The following SH2D4B variants were observed in gnomAD, a reference collection of about 807,000 sequenced individuals.
SH2D4B encodes the protein SH2 domain containing 4B.
In SH2D4B, 45 loss-of-function variants were observed where a neutral mutation model predicts 61.5. That is an observed-to-expected ratio of 0.73 (90% CI 0.58 to 0.94). SH2D4B has a LOEUF of 0.94. SH2D4B is among the 40% of genes least tolerant of loss of function. The probability of loss-of-function intolerance (pLI) is 0.00; values close to 1 mark genes in which losing one functional copy is unlikely to be tolerated. For missense variants in SH2D4B, 572 were observed against 574.2 expected (o/e 1.00, Z 0.04); for synonymous variants, 224 against 220.4 (o/e 1.02, Z -0.14).
At position 80,571,489 on chromosome 10, in the gene SH2D4B, G is replaced by A; in HGVS notation, c.406G>A (p.Ala136Thr). The A allele has an allele frequency of 6.2e-7, 1 of 1,614,186 alleles. No homozygotes were observed. Among genetic ancestry groups the A allele is most frequent in the Non-Finnish European group, 8.5e-7 (1 of 1,180,036 alleles). Residue 136 changes from alanine (A) to threonine (T), a missense_variant, in exon 3 of 8, where the codon GCC (alanine) becomes ACC (threonine). By Grantham distance (58) the Ala-to-Thr change is moderately conservative (BLOSUM62 0). Transcript: ENST00000646907. ...KFRDALANEK[A>T]RILAEKWKVE... is the part of the protein sequence containing the mutation. ...CCGGGATGCTCTGGCCAATGAGAAAGCCCGGATCTTGGCGGAGAAGTGGAA... is the reference window on the plus strand; with the variant it reads ...CCGGGATGCTCTGGCCAATGAGAAAACCCGGATCTTGGCGGAGAAGTGGAA...
At chr10:80,618,257 A>G (rs1842681270) in intron 6 of SH2D4B, among the ~76,000 whole-genome samples, 1 of 152,242 alleles carries the variant, frequency 6.6e-6, no homozygotes, top group South Asian at 2.1e-4. Context: ...AATGGAGGTC[A>G]GTATTATACA....
At chr10:80,555,002 CAAAA>C (rs35160548) in intron 1 of SH2D4B, among the ~76,000 whole-genome samples, 41 of 63,662 alleles carry the variant, frequency 6.4e-4, no homozygotes, top group African/African-American at 2.7e-3. Flanking sequence ...AGGCGAGTCT[CAAAA>C]AAAAAAAAAA....
At chr10:80,636,962 TG>T (rs1840190400) in intron 7 of SH2D4B, among the ~76,000 whole-genome samples, 1 of 152,252 alleles carries the variant, frequency 6.6e-6, no homozygotes, top group Non-Finnish European at 1.5e-5. Flanking sequence ...AATTAATTTT[TG>T]TATAAGGTAT....
intron 5 of SH2D4B, among the ~76,000 whole-genome samples, chr10:80,605,089 G>T (rs1278108309): frequency 2.0e-5 from 3 of 152,090 alleles, no homozygotes; most frequent in African/African-American, 7.2e-5. Context: ...CACTGCGTCC[G>T]GCTCTGTTCT....
chr10:80,603,460 G>A (rs1043848483), intron 4 of SH2D4B, 119 bp from the exon 5 acceptor site: 3 of 928,370 alleles, frequency 3.2e-6, no homozygotes, highest in African/African-American at 1.7e-5. Flanking sequence ...AAGTCATCGC[G>A]ATTTTTTGCC....
chr10:80,594,054 T>C (rs745570856), intron 4 of SH2D4B, among the ~76,000 whole-genome samples: 9 of 152,170 alleles, frequency 5.9e-5, no homozygotes, highest in Non-Finnish European at 1.0e-4. Flanking sequence ...GCTCAAGAAG[T>C]CTGTCCACCT....
At chr10:80,562,010 G>T (rs1161370012) in intron 1 of SH2D4B, among the ~76,000 whole-genome samples, 1 of 146,750 alleles carries the variant, frequency 6.8e-6, no homozygotes, top group East Asian at 2.0e-4. Flanking sequence ...GTAAAGCAAG[G>T]CCACTCACTC....
chr10:80,620,918 A>C (rs1842712242), intron 6 of SH2D4B, among the ~76,000 whole-genome samples: 1 of 152,250 alleles, frequency 6.6e-6, no homozygotes, highest in Non-Finnish European at 1.5e-5. Context: ...TATTCTAGAC[A>C]TGAAAATATA....
At chr10:80,593,883 C>T (rs1842359268) in intron 4 of SH2D4B, among the ~76,000 whole-genome samples, 1 of 152,164 alleles carries the variant, frequency 6.6e-6, no homozygotes, top group South Asian at 2.1e-4. Flanking sequence ...TATCTCAGCT[C>T]ACTGCAGCGT....
intron 1 of SH2D4B, among the ~76,000 whole-genome samples, chr10:80,567,637 G>A (rs1299744130): frequency 6.6e-6 from 1 of 152,234 alleles, no homozygotes; most frequent in East Asian, 1.9e-4. Flanking sequence ...GAGAACGTGA[G>A]AGCCACAGTC....
chr10:80,545,141 TC>T (rs1195219723), intron 1 of SH2D4B, among the ~76,000 whole-genome samples: 1 of 152,222 alleles, frequency 6.6e-6, no homozygotes, highest in African/African-American at 2.4e-5. Flanking sequence ...AGTGTGTAAT[TC>T]AGTGACATTT....
chr10:80,611,482 G>C (rs1842598880), intron 6 of SH2D4B, among the ~76,000 whole-genome samples: 1 of 152,206 alleles, frequency 6.6e-6, no homozygotes, highest in East Asian at 1.9e-4. Flanking sequence ...ACTCATGGCT[G>C]ACTGAGCCAT....
intron 5 of SH2D4B, among the ~76,000 whole-genome samples, chr10:80,605,665 C>T (rs183217556): frequency 2.5e-4 from 38 of 152,182 alleles, no homozygotes; most frequent in Non-Finnish European, 4.7e-4. Flanking sequence ...ATTATGGGTG[C>T]GTGCCATCAC....
chr10:80,577,810 C>T (rs979230030), intron 3 of SH2D4B, among the ~76,000 whole-genome samples: 2 of 152,026 alleles, frequency 1.3e-5, no homozygotes, highest in Non-Finnish European at 2.9e-5. Flanking sequence ...GATCTGCCTG[C>T]CTCGGCCTCC....
rs1003935922 is a variant in SH2D4B, at chr10:80,538,134, T to C, written c.-198T>C. ...CCTTTGGGTCCTGTTGCCTGGCCTC[T>C]TTTGCTGTCCTGGGTAGAGGAGATG... On this transcript the variant is annotated 5_prime_UTR_variant, in exon 1 of 8. Transcript: ENST00000646907. The surrounding 1 kb of genome is among the most constrained non-coding windows in gnomAD (Gnocchi z 4.8). The C allele has an allele frequency of 2.7e-5, 10 of 375,048 alleles. No individual in the cohort carries two copies. Among genetic ancestry groups the C allele is most frequent in the African/African-American group, 1.9e-4 (9 of 47,872 alleles). 23.2% of individuals were successfully genotyped at this position (375,048 alleles called of 1,614,324 possible). A position where few individuals can be genotyped will look rare whatever the true frequency, so the allele number is the denominator to read the frequency against.
At chr10:80,614,719 A>G (rs1842640631) in intron 6 of SH2D4B, among the ~76,000 whole-genome samples, 1 of 152,058 alleles carries the variant, frequency 6.6e-6, no homozygotes, top group South Asian at 2.1e-4. Context: ...CACTGCTGAT[A>G]TTGCTCCAGG....
At chr10:80,577,547 C>T (rs1380916414) in intron 3 of SH2D4B, among the ~76,000 whole-genome samples, 1 of 152,062 alleles carries the variant, frequency 6.6e-6, no homozygotes, top group African/African-American at 2.4e-5. Flanking sequence ...CTGCCTCAGC[C>T]TCCCAAGTAG....
At chr10:80,610,627 C>A (rs1382758537) in intron 6 of SH2D4B, among the ~76,000 whole-genome samples, 2 of 152,140 alleles carry the variant, frequency 1.3e-5, no homozygotes, top group Non-Finnish European at 2.9e-5. Context: ...CACCCAGGGA[C>A]CAAGTACAGA....
rs546369290 is a variant in SH2D4B, at chr10:80,579,925, T to C, written c.495+8347T>C. On this transcript the variant is annotated intron_variant, in intron 3 of 7. Transcript: ENST00000646907. ...TGTACCCTGTCCCTCCCGGGGATCATCACAAACCCTGTCTTCTCTTTACCT... is the reference window on the plus strand; with the variant it reads ...TGTACCCTGTCCCTCCCGGGGATCACCACAAACCCTGTCTTCTCTTTACCT... Among the ~76,000 whole-genome samples, 86 of 152,362 alleles carry C rather than the reference T, an allele frequency of 5.6e-4. 1 individual carries two copies. The highest frequency in any genetic ancestry group is 2.8e-3 in the Admixed American group (43 of 15,308).
Sources: gnomAD v4.1 joint callset for allele counts (sites outside exome capture counted in the v4.1 genomes callset) on GRCh38, gnomAD v4.1.1 for gene constraint, Gnocchi (gnomAD v3.1) non-coding constraint, MANE v1.5 for transcripts, NCBI Gene and HGNC (gene_info 2026-07-23, HGNC 2026-07-21) for gene names.